RTN4IP1: variants seen among roughly 807,000 people sequenced by gnomAD.
RTN4IP1 encodes NAD(P)H oxidoreductase RTN4IP1, mitochondrial.
A neutral mutation model predicts 46.6 loss-of-function variants in RTN4IP1; 32 were observed. That is an observed-to-expected ratio of 0.69 (90% CI 0.52 to 0.92). The LOEUF is 0.92. Among genes scored for constraint, RTN4IP1 ranks in the 40% least tolerant of loss-of-function variants. RTN4IP1 has a pLI of 0.00. For missense variants in RTN4IP1, 424 were observed against 485.8 expected (o/e 0.87, Z 1.20); for synonymous variants, 167 against 161.8 (o/e 1.03, Z -0.24).
At chr6:106,573,870 C>T (rs1222849308) in intron 8 of RTN4IP1, among the ~76,000 whole-genome samples, 2 of 152,176 alleles carry the variant, frequency 1.3e-5, no homozygotes, top group African/African-American at 4.8e-5. Context: ...TTCCTTGTGC[C>T]AGCTGAGGAC....
At chr6:106,615,313 A>T (rs1333072542) in intron 4 of RTN4IP1, among the ~76,000 whole-genome samples, 1 of 152,154 alleles carries the variant, frequency 6.6e-6, no homozygotes, top group Non-Finnish European at 1.5e-5. Context: ...CAATGTTTTT[A>T]ACTCTGGGCC....
chr6:106,571,877 T>A lies in RTN4IP1; in HGVS notation c.*119A>T. On this transcript the variant is annotated 3_prime_UTR_variant, in exon 9 of 9. Transcript: ENST00000369063. ...TGGTGTGTTTATTTTTTAAAGCTTG[T>A]ATCATGGAATGTATAATCTAATCTG... is the stretch of plus-strand genomic sequence containing the variant. 1.6e-6 allele frequency: 1 copy of A among 625,434 alleles called. No individual in the cohort carries two copies. The highest frequency in any genetic ancestry group is 2.8e-6 in the Non-Finnish European group (1 of 351,806). 38.7% of individuals were successfully genotyped at this position (625,434 alleles called of 1,614,324 possible).
chr6:106,608,622 CAACT>C (rs1244746343), intron 4 of RTN4IP1, among the ~76,000 whole-genome samples: 1 of 152,124 alleles, frequency 6.6e-6, no homozygotes, highest in Non-Finnish European at 1.5e-5. Flanking sequence ...CATTACATAT[CAACT>C]AACATTAAAA....
chr6:106,593,744 T>C (rs1200125567), intron 5 of RTN4IP1, among the ~76,000 whole-genome samples: 3 of 152,248 alleles, frequency 2.0e-5, no homozygotes, highest in African/African-American at 7.2e-5. Flanking sequence ...CAAAGACTTA[T>C]ATATCCTGAA....
chr6:106,604,927 C>T (rs1366784950), intron 4 of RTN4IP1, among the ~76,000 whole-genome samples: 1 of 152,270 alleles, frequency 6.6e-6, no homozygotes, highest in Middle Eastern at 3.4e-3. Flanking sequence ...AGTAGTAGAG[C>T]TGCCACACTG....
chr6:106,612,590 A>G (rs575465429), intron 4 of RTN4IP1, among the ~76,000 whole-genome samples: 15 of 151,160 alleles, frequency 9.9e-5, no homozygotes, highest in African/African-American at 3.7e-4. Flanking sequence ...AATAATTAAT[A>G]TGTCAGTATG....
At chr6:106,629,694 A>G (rs1388731180), upstream of RTN4IP1, 1 of 1,606,210 alleles carries the variant, frequency 6.2e-7, no homozygotes, top group Non-Finnish European at 8.5e-7. Context: ...GCTGGGCCGG[A>G]GCCTCCGAGA....
chr6:106,612,617 CTACTTT>C (rs1375900589), intron 4 of RTN4IP1, among the ~76,000 whole-genome samples: 1 of 152,202 alleles, frequency 6.6e-6, no homozygotes, highest in Non-Finnish European at 1.5e-5. Flanking sequence ...TCTTTGCCTT[CTACTTT>C]TAAACTTCCT....
intron 4 of RTN4IP1, among the ~76,000 whole-genome samples, chr6:106,603,850 C>T (rs1776000308): frequency 6.6e-6 from 1 of 152,092 alleles, no homozygotes; most frequent in Non-Finnish European, 1.5e-5. Flanking sequence ...TTGTACTGTA[C>T]TTTGGTGTCA....
Position 106,622,832 on chromosome 6 carries a change from T to G in RTN4IP1, c.412A>C (p.Lys138Gln). 2 of 1,613,412 alleles carry G rather than the reference T, an allele frequency of 1.2e-6. No individual in the cohort carries two copies. The highest frequency in any genetic ancestry group is 1.7e-5 in the Admixed American group (1 of 59,910). ...CCCTAACTCACCTCATCTCCAGGCT[T>G]GAAGTATTTCACATCAAGCCCACAT... ...MECGLDVKYF[K>Q]PGDEVWAAVP... is the part of the protein sequence containing the mutation. Residue 138 changes from lysine to glutamine, a missense_variant, in exon 2 of 9, where the codon AAG becomes CAG. Lys to Gln is a moderately conservative substitution (Grantham distance 53). Coordinates refer to ENST00000369063, the MANE Select transcript of RTN4IP1 (RefSeq NM_032730.5).
chr6:106,573,453 C>T (rs1775132721), intron 8 of RTN4IP1, among the ~76,000 whole-genome samples: 1 of 152,186 alleles, frequency 6.6e-6, no homozygotes, highest in South Asian at 2.1e-4. Flanking sequence ...CCAAAAGTTC[C>T]CTTCTCCAAA....
At chr6:106,618,770 A>G (rs1004864439) in intron 4 of RTN4IP1, among the ~76,000 whole-genome samples, 1 of 152,218 alleles carries the variant, frequency 6.6e-6, no homozygotes, top group Non-Finnish European at 1.5e-5. Context: ...TTATAGAAAT[A>G]TGCAAGTGTG....
intron 2 of RTN4IP1, among the ~76,000 whole-genome samples, chr6:106,622,297 A>C (rs2114681122): frequency 6.6e-6 from 1 of 152,336 alleles, no homozygotes; most frequent in East Asian, 1.9e-4. Context: ...GTGGGAGTTC[A>C]GTCAGGGTGG....
intron 6 of RTN4IP1, 88 bp from the exon 7 acceptor site, chr6:106,587,950 G>T: frequency 5.8e-6 from 7 of 1,213,742 alleles, no homozygotes; most frequent in Middle Eastern, 2.0e-4. Flanking sequence ...AGTTGGCTTA[G>T]GGTTTATTTC....
intron 8 of RTN4IP1, 150 bp downstream of exon 8, chr6:106,583,178 A>G (rs1446559289): frequency 6.7e-6 from 4 of 600,672 alleles, no homozygotes; most frequent in East Asian, 2.8e-5. Context: ...CCAAAGACAT[A>G]GCATGTAAAC....
chr6:106,586,118 T>C (rs9480690), intron 7 of RTN4IP1, among the ~76,000 whole-genome samples: 10,439 of 152,296 alleles, frequency 0.069, 422 homozygotes, highest in South Asian at 0.12. Context: ...TCCTCCATCA[T>C]AGCTCTTTGT....
In RTN4IP1 at chr6:106,629,258, G is replaced by T; in HGVS notation, c.-237C>A. ...GAATTAACGTTCCAGTCAGTATTCT[G>T]TCCATTCTCCTCCCTCACTTTCACC... On this transcript the variant is annotated 5_prime_UTR_variant, in exon 1 of 9. Transcript: ENST00000369063. 1.8e-6 allele frequency: 1 copy of T among 569,202 alleles called. No individual in the cohort carries two copies. Among genetic ancestry groups the T allele is most frequent in the Admixed American group, 3.2e-5 (1 of 31,396 alleles). The allele number at this position is 569,202 out of a possible 1,614,324, so 35.3% of individuals were successfully genotyped here. A position where few individuals can be genotyped will look rare whatever the true frequency, so the allele number is the denominator to read the frequency against.
chr6:106,616,821 T>C (rs1011804921), intron 4 of RTN4IP1, among the ~76,000 whole-genome samples: 1 of 152,306 alleles, frequency 6.6e-6, no homozygotes, highest in African/African-American at 2.4e-5. Context: ...TTATAACCCA[T>C]GTGTGGTAAT....
At chr6:106,623,304 G>T (rs563638919) in intron 1 of RTN4IP1, among the ~76,000 whole-genome samples, 3 of 152,184 alleles carry the variant, frequency 2.0e-5, no homozygotes, top group African/African-American at 7.2e-5. Context: ...AATTAACACA[G>T]GAACAGAAAA....
Sources: allele counts gnomAD v4.1 joint callset (sites outside exome capture counted in the v4.1 genomes callset), GRCh38; gene constraint gnomAD v4.1.1; transcripts MANE v1.5; gene names NCBI Gene and HGNC (gene_info 2026-07-23, HGNC 2026-07-21).